The following PVR variants were observed in gnomAD, a reference collection of about 807,000 sequenced individuals.
PVR encodes the protein PVR cell adhesion molecule.
Under a neutral mutation model 43.3 loss-of-function variants are expected in PVR, and 39 were observed. That is an observed-to-expected ratio of 0.90 (90% CI 0.70 to 1.18). The LOEUF is 1.18. Ranked by LOEUF, PVR falls within the 50% of genes most tolerant of loss-of-function variation. PVR has a pLI of 0.00. For synonymous variants in PVR, 224 were observed against 233.2 expected (o/e 0.96, Z 0.36); for missense variants, 480 against 549.7 (o/e 0.87, Z 1.27).
intron 1 of PVR, among the ~76,000 whole-genome samples, chr19:44,644,840 C>G (rs924991401): frequency 2.0e-5 from 3 of 148,526 alleles, no homozygotes; most frequent in Non-Finnish European, 4.4e-5. Flanking sequence ...TTCAGCCTCC[C>G]GAGTAGCTCG....
At chr19:44,645,131 ATATTATATATATTAT>A (rs1973056041) in intron 1 of PVR, among the ~76,000 whole-genome samples, 2 of 71,454 alleles carry the variant, frequency 2.8e-5, no homozygotes, top group African/African-American at 1.2e-4. Flanking sequence ...ATATTATAAT[ATATTATATATATTAT>A]TATAATATAT....
rs999193376 is a variant in PVR at position 44,647,185 on chromosome 19, C to T, written c.80-38C>T. On this transcript the variant is annotated intron_variant, in intron 1 of 7. Coordinates refer to ENST00000425690, the MANE Select transcript of PVR (RefSeq NM_006505.5). The stretch of plus-strand genomic sequence containing the variant: ...AGCCCCTCCCTATCTAGTCCAAGAA[C>T]GCCCCGGGTCTGACACCTTCTCTTC... The T allele has an allele frequency of 8.4e-6, 12 of 1,433,622 alleles. No individual in the cohort carries two copies. The African/African-American group carries it at 1.3e-4, about 16-fold the overall frequency. 88.8% of individuals were successfully genotyped at this position (1,433,622 alleles called of 1,614,324 possible).
chr19:44,656,696 G>A (rs534597887), intron 4 of PVR, among the ~76,000 whole-genome samples: 2 of 152,292 alleles, frequency 1.3e-5, no homozygotes, highest in African/African-American at 4.8e-5. Flanking sequence ...GGGACTGGGC[G>A]CCATGACTCA....
At chr19:44,645,155 ATAATATGTATATTATATATTATATATAT>A (rs1973060422) in intron 1 of PVR, among the ~76,000 whole-genome samples, 2 of 83,870 alleles carry the variant, frequency 2.4e-5, no homozygotes, top group African/African-American at 9.1e-5. Flanking sequence ...ATTATAATAT[ATAATATGTATATTATATATTATATATAT>A]TATTATAATA....
Position 44,665,217 on chromosome 19 carries a change from A to G in PVR, c.*3406A>G, listed in dbSNP as rs1973682339. On this transcript the variant is annotated 3_prime_UTR_variant, in exon 8 of 8. Transcript: ENST00000425690. ...AAAACACTCCACACCCTCCCTCTGC[A>G]TTGCTCCTGCACGGGAGTCGGGAAT... The G allele has an allele frequency of 1.3e-5, 2 of 152,152 alleles. No homozygotes were observed. The highest frequency in any genetic ancestry group is 2.4e-5 in the African/African-American group (1 of 41,446). The allele number at this position is 152,152 out of a possible 1,614,324, so 9.4% of individuals were successfully genotyped here.
chr19:44,660,699 T>C (rs1322448856), intron 6 of PVR, among the ~76,000 whole-genome samples: 1 of 152,028 alleles, frequency 6.6e-6, no homozygotes. Context: ...ATTTTTTATA[T>C]TTTTAGTAGA....
chr19:44,653,948 G>T lies in PVR; in HGVS notation c.773G>T (p.Gly258Val), dbSNP rs1973356878. ...ISGYDNNWYL[G>V]QNEATLTCDA... The stretch of plus-strand genomic sequence containing the variant: ...GGCTATGATAACAACTGGTACCTTG[G>T]CCAGAATGAGGCCACCCTGACCTGC... Residue 258 changes from glycine to valine, a missense_variant, in exon 4 of 8, where the codon GGC (glycine) becomes GTC (valine). Gly to Val is a moderately radical substitution (Grantham distance 109). Coordinates refer to ENST00000425690, the MANE Select transcript of PVR (RefSeq NM_006505.5). 1 of 1,614,160 alleles carries T rather than the reference G, an allele frequency of 6.2e-7. No individual in the cohort carries two copies. The highest frequency in any genetic ancestry group is 8.5e-7 in the Non-Finnish European group (1 of 1,180,018).
rs781351033 is a variant in PVR, at chr19:44,644,194, G to T, written c.79+19G>T. 1 of 1,480,698 alleles carries T rather than the reference G, an allele frequency of 6.8e-7. No individual in the cohort carries two copies. The allele number at this position is 1,480,698 out of a possible 1,614,324, so 91.7% of individuals were successfully genotyped here. ...GGAACCGGTGAGTGACCCCCGCGCA[G>T]TCCGGTGGCCCCTGTCTGGCTCCCA... On this transcript the variant is annotated intron_variant, in intron 1 of 7. Coordinates refer to ENST00000425690, the MANE Select transcript of PVR (RefSeq NM_006505.5).
chr19:44,646,775 A>C lies in PVR; in HGVS notation c.80-448A>C, dbSNP rs1182323450. 7.9e-5 allele frequency among the ~76,000 whole-genome samples: 12 copies of C among 152,176 alleles called. No homozygotes were observed. The East Asian group carries it at 2.3e-3, about 29-fold the overall frequency. On this transcript the variant is annotated intron_variant, in intron 1 of 7. Coordinates refer to ENST00000425690, the MANE Select transcript of PVR (RefSeq NM_006505.5). Reference sequence around the variant, plus strand: ...GACAGAGAGAGACTCCGTCTCAAAAAAAAAAGAGAAGAAAAGAAAAAGTTC... The same window carrying C: ...GACAGAGAGAGACTCCGTCTCAAAACAAAAAGAGAAGAAAAGAAAAAGTTC...
At chr19:44,650,312 T>A (rs1022325524) in intron 3 of PVR, among the ~76,000 whole-genome samples, 1 of 152,172 alleles carries the variant, frequency 6.6e-6, no homozygotes, top group Admixed American at 6.5e-5. Flanking sequence ...ACCAGTTTAC[T>A]TGGGCCATAG....
rs1973694422 is a variant in PVR, at chr19:44,665,620, G to C, written c.*3809G>C. 1 of 133,310 alleles carries C rather than the reference G, an allele frequency of 7.5e-6. No individual in the cohort carries two copies. Among genetic ancestry groups the C allele is most frequent in the Admixed American group, 8.1e-5 (1 of 12,378 alleles). 8.3% of individuals were successfully genotyped at this position (133,310 alleles called of 1,614,324 possible). ...CTGCACTCCAGCCTGGGTGACAAGA[G>C]TGAGACTCTGTCTCCAAAAAAAAAA... On this transcript the variant is annotated 3_prime_UTR_variant, in exon 8 of 8. Transcript: ENST00000425690.
At chr19:44,647,701 A>T in intron 2 of PVR, 131 bp downstream of exon 2, 1 of 130,298 alleles carries the variant, frequency 7.7e-6, no homozygotes, top group Non-Finnish European at 1.3e-5. Context: ...TGGGGACAAA[A>T]GGAGGGGGCA....
chr19:44,659,287 G>A (rs552118628), intron 6 of PVR, among the ~76,000 whole-genome samples: 2 of 152,080 alleles, frequency 1.3e-5, no homozygotes, highest in African/African-American at 2.4e-5. Context: ...GCTCTAAAAG[G>A]GTCTGATGCT....
At chr19:44,647,141 C>G in intron 1 of PVR, 82 bp from the exon 2 acceptor site, 1 of 1,107,530 alleles carries the variant, frequency 9.0e-7, no homozygotes, top group East Asian at 2.7e-5. Context: ...AGTGCACGCC[C>G]AGGTGCCCGG....
chr19:44,646,730 C>G (rs139154918), intron 1 of PVR, among the ~76,000 whole-genome samples: 2,233 of 152,152 alleles, frequency 0.015, 44 homozygotes, highest in African/African-American at 0.051. Flanking sequence ...AGAGATCGCG[C>G]CACTGCACTC....
intron 4 of PVR, among the ~76,000 whole-genome samples, chr19:44,656,884 G>A (rs754287753): frequency 6.6e-6 from 1 of 152,304 alleles, no homozygotes; most frequent in Middle Eastern, 3.4e-3. Flanking sequence ...GAGGTGGGAA[G>A]ATTCCATGCA....
chr19:44,665,920 C>G lies in PVR; in HGVS notation c.*4109C>G, dbSNP rs1391442802. On this transcript the variant is annotated 3_prime_UTR_variant, in exon 8 of 8. Coordinates refer to ENST00000425690, the MANE Select transcript of PVR (RefSeq NM_006505.5). The stretch of plus-strand genomic sequence containing the variant: ...TTCCGGTCTCATTCACCAGCGCCGC[C>G]CACCGCTCAACCAATCCCTGGCCAA... The G allele has an allele frequency of 6.6e-6, 1 of 152,352 alleles. No homozygotes were observed. The highest frequency in any genetic ancestry group is 2.4e-5 in the African/African-American group (1 of 41,446). The allele number at this position is 152,352 out of a possible 1,614,324, so 9.4% of individuals were successfully genotyped here. A position where few individuals can be genotyped will look rare whatever the true frequency, so the allele number is the denominator to read the frequency against.
Position 44,647,526 on chromosome 19 carries a change from TC to T in PVR, c.386del (p.Pro129ArgfsTer91). On this transcript the variant is annotated frameshift_variant, in exon 2 of 8. Transcript: ENST00000425690. LOFTEE classifies it high-confidence loss of function. Reference sequence around the variant, plus strand: ...AACTACACCTGCCTGTTCGTCACGTTCCCGCAGGGCAGCAGGAGCGTGGATA... The same window carrying T: ...AACTACACCTGCCTGTTCGTCACGTTCCGCAGGGCAGCAGGAGCGTGGATA... ...EGNYTCLFVTFPQGSRSVDIW... is the reference protein window; with the variant it reads ...EGNYTCLFVTXPQGSRSVDIW... The T allele has an allele frequency of 1.9e-6, 3 of 1,613,964 alleles. No individual in the cohort carries two copies. Among genetic ancestry groups the T allele is most frequent in the Non-Finnish European group, 2.5e-6 (3 of 1,179,982 alleles).
intron 4 of PVR, among the ~76,000 whole-genome samples, 166 bp from the exon 5 acceptor site, chr19:44,657,596 G>C (rs570712386): frequency 3.9e-5 from 6 of 152,192 alleles, no homozygotes; most frequent in Non-Finnish European, 8.8e-5. Flanking sequence ...TGGCTAATGG[G>C]TTGGGTGTGG....
Sources: gnomAD v4.1 joint callset for allele counts (sites outside exome capture counted in the v4.1 genomes callset) on GRCh38, gnomAD v4.1.1 for gene constraint, MANE v1.5 for transcripts, NCBI Gene and HGNC (gene_info 2026-07-23, HGNC 2026-07-21) for gene names.